Variants in HMCN2 observed in about 807,000 individuals in gnomAD.
HMCN2 encodes the protein hemicentin 2, also known as hemicentin-2.
Under a neutral mutation model 377.5 loss-of-function variants are expected in HMCN2, and 325 were observed. The ratio of observed to expected loss-of-function variants is 0.86; its 90% CI spans 0.79 to 0.94. The LOEUF is 0.94. HMCN2 is among the 40% of genes least tolerant of loss of function. The pLI is 0.00. For synonymous variants in HMCN2, 2,007 were observed against 2,046.8 expected (o/e 0.98, Z 0.53); for missense variants, 4,543 against 4,725.3 (o/e 0.96, Z 1.13).
At position 130,399,308 on chromosome 9, in the gene HMCN2, G is replaced by C. The variant is rs796767481; in HGVS notation, c.11484-203G>C. On this transcript the variant is annotated intron_variant, in intron 75 of 97. Coordinates refer to ENST00000683500, the MANE Select transcript of HMCN2 (RefSeq NM_001291815.2). ...TTAAAAATTGGAAAACCAATGTACA[G>C]AGAAACAGGGATGAAAACGAAAATC... 1.8e-4 allele frequency among the ~76,000 whole-genome samples: 27 copies of C among 149,212 alleles called. 1 individual carries two copies. The highest frequency in any genetic ancestry group is 4.7e-4 in the African/African-American group (19 of 40,542).
chr9:130,372,267 T>C, intron 46 of HMCN2, 27 bp from the exon 47 acceptor site: 1 of 921,514 alleles, frequency 1.1e-6, no homozygotes, highest in Non-Finnish European at 1.3e-6. Context: ...AGAGCCATGC[T>C]TGGGGCCCAC....
intron 1 of HMCN2, among the ~76,000 whole-genome samples, chr9:130,278,072 T>C (rs1036719467): frequency 1.2e-4 from 18 of 149,804 alleles, no homozygotes; most frequent in Non-Finnish European, 1.8e-4. Context: ...ACCACCACCA[T>C]CATCATCATC....
chr9:130,293,010 C>T (rs1835884137), intron 4 of HMCN2, among the ~76,000 whole-genome samples: 1 of 152,046 alleles, frequency 6.6e-6, no homozygotes, highest in Non-Finnish European at 1.5e-5. Context: ...ACCTACCTAC[C>T]TGCCTATATA....
Position 130,428,417 on chromosome 9 carries a change from C to T in HMCN2, c.14125C>T (p.Leu4709=). The T allele has an allele frequency of 1.3e-6, 2 of 1,547,434 alleles. No homozygotes were observed. Among genetic ancestry groups the T allele is most frequent in the East Asian group, 2.4e-5 (1 of 40,924 alleles). The change falls in exon 93 of 98, where the codon CTG becomes TTG. Residue 4709 remains leucine (L), a synonymous_variant. Coordinates refer to ENST00000683500, the MANE Select transcript of HMCN2 (RefSeq NM_001291815.2). The surrounding 1 kb of genome is among the most constrained non-coding windows in gnomAD (Gnocchi z 5.0). Reference sequence around the variant, plus strand: ...CCGAGAGGGACAGCGCTGTGTGAACCTGCTCGGGTCCTACCGCTGCCTCCC... The same window carrying T: ...CCGAGAGGGACAGCGCTGTGTGAACTTGCTCGGGTCCTACCGCTGCCTCCC... ...LCREGQRCVN[L]LGSYRCLPDC...
intron 1 of HMCN2, among the ~76,000 whole-genome samples, chr9:130,278,646 G>A (rs1420314064): frequency 6.6e-6 from 1 of 151,478 alleles, no homozygotes; most frequent in East Asian, 1.9e-4. Flanking sequence ...ACAATGGCAC[G>A]ATCTCGGCTC....
intron 85 of HMCN2, among the ~76,000 whole-genome samples, chr9:130,417,461 G>T (rs2131779619): frequency 7.0e-6 from 1 of 143,776 alleles, no homozygotes; most frequent in South Asian, 2.3e-4. Flanking sequence ...GGCAGAGGTT[G>T]CAGTGAGCTG....
intron 76 of HMCN2, 121 bp from the exon 77 acceptor site, chr9:130,400,662 A>C: frequency 7.2e-6 from 4 of 554,574 alleles, no homozygotes; most frequent in South Asian, 2.6e-5. Context: ...CTCTGTTGCC[A>C]CCTCCCTCCT....
Position 130,325,712 on chromosome 9 carries a change from G to A in HMCN2, c.3033+5G>A, listed in dbSNP as rs1043611362. 0.02 allele frequency: 3,071 copies of A among 152,394 alleles called. 48 individuals carry two copies. Among genetic ancestry groups the A allele is most frequent in the Middle Eastern group, 0.037 (11 of 294 alleles). 9.4% of individuals were successfully genotyped at this position (152,394 alleles called of 1,614,324 possible). On this transcript the variant is annotated splice_donor_5th_base_variant and intron_variant, in intron 20 of 97. Transcript: ENST00000683500. ...CCCACCATCACGTGGACCAAGGTAA[G>A]CAGTGCCTGTTACCGAGAGGATAAC...
At chr9:130,392,725 C>CAT (rs1564847787) in intron 66 of HMCN2, among the ~76,000 whole-genome samples, 9 of 148,010 alleles carry the variant, frequency 6.1e-5, no homozygotes, top group African/African-American at 1.8e-4. Flanking sequence ...AGGCCGGGTG[C>CAT]GGTGGCTCAC....
intron 31 of HMCN2, among the ~76,000 whole-genome samples, chr9:130,353,615 T>G (rs1564807777): frequency 6.6e-6 from 1 of 152,230 alleles, no homozygotes; most frequent in Non-Finnish European, 1.5e-5. Flanking sequence ...CAAAGGGACT[T>G]GAGCTCTCAT....
At chr9:130,346,922 C>T (rs1486789968) in intron 25 of HMCN2, among the ~76,000 whole-genome samples, 3 of 152,054 alleles carry the variant, frequency 2.0e-5, no homozygotes, top group African/African-American at 7.2e-5. Context: ...GCCTGCAGTC[C>T]CCGCCTTGGT....
Position 130,349,721 on chromosome 9 carries a change from A to G in HMCN2, c.4430+58A>G, listed in dbSNP as rs1244084260. 3 of 1,274,678 alleles carry G rather than the reference A, an allele frequency of 2.4e-6. No individual in the cohort carries two copies. In the East Asian group the frequency reaches 1.7e-4, roughly 73 times the overall value. The allele number at this position is 1,274,678 out of a possible 1,614,324, so 79.0% of individuals were successfully genotyped here. ...GTGGTGCCCAGACTCAGCCTGCTGG[A>G]TGTGGGGGTTGGGGAAGGTTGAACT... On this transcript the variant is annotated intron_variant, in intron 29 of 97. Coordinates refer to ENST00000683500, the MANE Select transcript of HMCN2 (RefSeq NM_001291815.2).
chr9:130,376,568 G>A lies in HMCN2; in HGVS notation c.7971G>A (p.Glu2657=). The A allele has an allele frequency of 1.0e-6, 1 of 985,874 alleles. No homozygotes were observed. Among genetic ancestry groups the A allele is most frequent in the Non-Finnish European group, 1.2e-6 (1 of 829,952 alleles). The allele number at this position is 985,874 out of a possible 1,614,324, so 61.1% of individuals were successfully genotyped here. ...CCTTGGCGGAGGTCGGCGTGAAGGA[G>A]GTGAAGACCAAGGTCAACAGCACCT... ...DDPLAEVGVK[E]VKTKVNSTLT... is the part of the protein sequence containing the mutation. Residue 2657 remains glutamate, a synonymous_variant, in exon 52 of 98, where the codon GAG becomes GAA. Coordinates refer to ENST00000683500, the MANE Select transcript of HMCN2 (RefSeq NM_001291815.2).
At chr9:130,268,849 G>GT (rs1256234848) in intron 1 of HMCN2, among the ~76,000 whole-genome samples, 15 of 148,716 alleles carry the variant, frequency 1.0e-4, no homozygotes, top group African/African-American at 3.6e-4. Flanking sequence ...GGACACAGCC[G>GT]TGAGTGCAGG....
chr9:130,282,502 T>C (rs1554926073), intron 1 of HMCN2, among the ~76,000 whole-genome samples: 1 of 152,152 alleles, frequency 6.6e-6, no homozygotes, highest in Non-Finnish European at 1.5e-5. Flanking sequence ...GCTGAATTCA[T>C]TACTGTGTAG....
chr9:130,405,399 T>G (rs1351237166), intron 81 of HMCN2, among the ~76,000 whole-genome samples: 1 of 152,250 alleles, frequency 6.6e-6, no homozygotes, highest in Non-Finnish European at 1.5e-5. Flanking sequence ...CTCTGGGTTT[T>G]GGGGAGTGTT....
At chr9:130,408,961 G>A (rs1390275538) in intron 84 of HMCN2, 28 bp downstream of exon 84, 2 of 1,268,614 alleles carry the variant, frequency 1.6e-6, no homozygotes, top group Non-Finnish European at 2.1e-6. Context: ...ACCTTGGGTG[G>A]GGCCACTGAG....
chr9:130,366,126 A>AAGCACCACTTC, intron 43 of HMCN2, 131 bp downstream of exon 43: 1 of 678,570 alleles, frequency 1.5e-6, no homozygotes, highest in Non-Finnish European at 1.8e-6. Flanking sequence ...GGGGGTGGGG[A>AAGCACCACTTC]TGCTGGTTAC....
rs1397280974 is a variant in HMCN2, at chr9:130,414,155, C to T, written c.12961+3503C>T. ...GTACCGAGGCACTGCTCTCCCCACACTGGAGCAGGATGCTGTCAGGTGACA... is the reference window on the plus strand; with the variant it reads ...GTACCGAGGCACTGCTCTCCCCACATTGGAGCAGGATGCTGTCAGGTGACA... On this transcript the variant is annotated intron_variant, in intron 85 of 97. Coordinates refer to ENST00000683500, the MANE Select transcript of HMCN2 (RefSeq NM_001291815.2). The surrounding 1 kb of genome is among the most constrained non-coding windows in gnomAD (Gnocchi z 4.4). Among the ~76,000 whole-genome samples the T allele has an allele frequency of 6.6e-6, 1 of 152,234 alleles. No individual in the cohort carries two copies. The highest frequency in any genetic ancestry group is 1.5e-5 in the Non-Finnish European group (1 of 68,044).
Sources: gnomAD v4.1 joint callset for allele counts (sites outside exome capture counted in the v4.1 genomes callset) on GRCh38, gnomAD v4.1.1 for gene constraint, Gnocchi (gnomAD v3.1) non-coding constraint, MANE v1.5 for transcripts, NCBI Gene and HGNC (gene_info 2026-07-23, HGNC 2026-07-21) for gene names.